Variants in ARK2N observed in about 807,000 individuals in gnomAD.
ARK2N encodes the protein arkadia (RNF111) N-terminal like PKA signaling regulator 2N, also known as protein ARK2N.
chr18:46,245,462 T>C, the ARK2N span, among the ~76,000 whole-genome samples: 2 of 151,650 alleles, frequency 1.3e-5, no homozygotes, highest in African/African-American at 4.8e-5. Context: ...TCGCAGCTAC[T>C]TGGGAGGCTG....
the ARK2N span, among the ~76,000 whole-genome samples, chr18:46,262,499 A>G: frequency 6.6e-6 from 1 of 152,238 alleles, no homozygotes; most frequent in African/African-American, 2.4e-5. Context: ...ATTACCAATT[A>G]TAAAGCTTAT....
At chr18:46,220,333 C>T in the ARK2N span, among the ~76,000 whole-genome samples, 6 of 152,302 alleles carry the variant, frequency 3.9e-5, no homozygotes, top group South Asian at 8.3e-4. Flanking sequence ...AATCTCAGCA[C>T]CCATTACTCA....
the ARK2N span, among the ~76,000 whole-genome samples, chr18:46,203,289 A>G: frequency 1.8e-4 from 28 of 152,334 alleles, no homozygotes; most frequent in South Asian, 4.1e-4. Context: ...ATAGTTATAC[A>G]GTGGAATACT....
the ARK2N span, among the ~76,000 whole-genome samples, chr18:46,224,706 G>A: frequency 1.3e-5 from 2 of 152,162 alleles, no homozygotes; most frequent in African/African-American, 2.4e-5. Flanking sequence ...AATACATGCT[G>A]CTAGGTAGAT....
the ARK2N span, among the ~76,000 whole-genome samples, chr18:46,188,229 T>C: frequency 6.6e-6 from 1 of 152,146 alleles, no homozygotes; most frequent in African/African-American, 2.4e-5. Flanking sequence ...AGACAGAGTT[T>C]TGCTCTTGTT....
chr18:46,218,744 TA>T, the ARK2N span: 1 of 152,216 alleles, frequency 6.6e-6, no homozygotes, highest in Non-Finnish European at 1.5e-5. Flanking sequence ...AACCTTATAG[TA>T]AGAGCAGTTG....
the ARK2N span, among the ~76,000 whole-genome samples, chr18:46,182,636 A>G: frequency 6.6e-6 from 1 of 150,384 alleles, no homozygotes; most frequent in African/African-American, 2.4e-5. Flanking sequence ...TTCTTGATTT[A>G]CACTGATGAT....
the ARK2N span, chr18:46,263,077 C>CT: frequency 6.2e-7 from 1 of 1,614,002 alleles, no homozygotes; most frequent in East Asian, 2.2e-5. Context: ...AGTTGTTGAC[C>CT]TTACCTTGGA....
At chr18:46,233,123 A>G in the ARK2N span, among the ~76,000 whole-genome samples, 1 of 152,280 alleles carries the variant, frequency 6.6e-6, no homozygotes, top group East Asian at 1.9e-4. Context: ...ATTGAAAAAA[A>G]GAATACCACT....
chr18:46,259,247 T>C, the ARK2N span, among the ~76,000 whole-genome samples: 1,455 of 148,516 alleles, frequency 9.8e-3, 25 homozygotes, highest in African/African-American at 0.033. Flanking sequence ...TTCTTTCTTT[T>C]TTTTTTTTTT....
chr18:46,240,113 A>G, the ARK2N span: 7 of 1,614,222 alleles, frequency 4.3e-6, no homozygotes, highest in African/African-American at 6.7e-5. Flanking sequence ...GAGCACAGTA[A>G]TTCTGTAGGC....
the ARK2N span, chr18:46,262,803 G>A: frequency 1.1e-5 from 10 of 944,316 alleles, no homozygotes; most frequent in Non-Finnish European, 1.6e-5. Context: ...TTGATTGTGG[G>A]TTTTATGAAC....
chr18:46,202,814 AAAG>A, the ARK2N span, among the ~76,000 whole-genome samples: 13 of 146,700 alleles, frequency 8.9e-5, no homozygotes, highest in East Asian at 1.9e-4. Context: ...AAAAAAAAAA[AAAG>A]AAAGAAAAGA....
At chr18:46,253,103 G>A in the ARK2N span, among the ~76,000 whole-genome samples, 1 of 152,322 alleles carries the variant, frequency 6.6e-6, no homozygotes, top group East Asian at 1.9e-4. Flanking sequence ...CTTTTTAGAT[G>A]TAGTTTTGGG....
chr18:46,253,681 T>C, the ARK2N span: 1 of 1,602,792 alleles, frequency 6.2e-7, no homozygotes, highest in Non-Finnish European at 8.5e-7. Flanking sequence ...TTTTTTTTCC[T>C]CCCCTTCTCT....
chr18:46,197,149 TA>T, the ARK2N span, among the ~76,000 whole-genome samples: 910 of 152,248 alleles, frequency 6.0e-3, 4 homozygotes, highest in African/African-American at 0.021. Flanking sequence ...TGTGAACAGA[TA>T]AAAAAAGATT....
the ARK2N span, among the ~76,000 whole-genome samples, chr18:46,257,795 G>C: frequency 6.6e-6 from 1 of 152,064 alleles, no homozygotes; most frequent in African/African-American, 2.4e-5. Flanking sequence ...GTTCCTTTTG[G>C]TACCTGTTCT....
the ARK2N span, among the ~76,000 whole-genome samples, chr18:46,186,386 G>A: frequency 6.6e-6 from 1 of 151,452 alleles, no homozygotes; most frequent in Non-Finnish European, 1.5e-5. Flanking sequence ...AGTAGAGATT[G>A]GGTTTCACCA....
chr18:46,214,317 T>G, the ARK2N span, among the ~76,000 whole-genome samples: 1 of 152,178 alleles, frequency 6.6e-6, no homozygotes, highest in Admixed American at 6.5e-5. Flanking sequence ...GTTATGTGTG[T>G]CTGTGACCTA....
Sources: allele counts gnomAD v4.1 joint callset (sites outside exome capture counted in the v4.1 genomes callset), GRCh38; gene constraint gnomAD v4.1.1; transcripts MANE v1.5; gene names NCBI Gene and HGNC (gene_info 2026-07-23, HGNC 2026-07-21).